Variants in SATL1 observed in about 807,000 individuals in gnomAD.
SATL1 encodes spermidine/spermine N(1)-acetyltransferase-like protein 1.
Under a neutral mutation model 51.8 loss-of-function variants are expected in SATL1, and 47 were observed. That is an observed-to-expected ratio of 0.91 (90% CI 0.72 to 1.16). The LOEUF (loss-of-function observed/expected upper bound fraction) is 1.16. SATL1 is among the 50% of genes most tolerant of loss of function. The probability of loss-of-function intolerance (pLI) is 0.00; values close to 1 mark genes in which losing one functional copy is unlikely to be tolerated. For synonymous variants in SATL1, 176 were observed against 182.4 expected (o/e 0.97, Z 0.28); for missense variants, 520 against 526.4 (o/e 0.99, Z 0.12).
At chrX:85,157,083 C>T (rs1299343438) in intron 2 of SATL1, among the ~76,000 whole-genome samples, 2 of 107,992 alleles carry the variant, frequency 1.9e-5, no homozygotes, top group African/African-American at 3.4e-5. Context: ...TAAAACACTA[C>T]AAAATCATCT....
chrX:85,158,364 T>C (rs1203173745), intron 2 of SATL1, among the ~76,000 whole-genome samples: 1 of 111,998 alleles, frequency 8.9e-6, no homozygotes. Flanking sequence ...TCAAAGTTGT[T>C]ACAATTGTGG....
chrX:85,095,110 G>A, intron 4 of SATL1, 114 bp from the exon 5 acceptor site: 3 of 476,541 alleles, frequency 6.3e-6, no homozygotes, highest in East Asian at 3.7e-5. Flanking sequence ...TTGTATTGGC[G>A]GAAACTGAAG....
chrX:85,116,620 T>C (rs1263161591), intron 2 of SATL1, among the ~76,000 whole-genome samples: 6 of 111,589 alleles, frequency 5.4e-5, no homozygotes, highest in South Asian at 7.5e-4. Flanking sequence ...ATAATGTGTA[T>C]GCTTGAGCCC....
At chrX:85,198,611 A>T (rs1927624898) in intron 2 of SATL1, among the ~76,000 whole-genome samples, 1 of 110,694 alleles carries the variant, frequency 9.0e-6, no homozygotes, top group Admixed American at 9.7e-5. Context: ...TTTTATTTTA[A>T]TTTTTGTGGG....
At chrX:85,103,027 AT>A (rs769181638) in intron 4 of SATL1, among the ~76,000 whole-genome samples, 1 of 111,271 alleles carries the variant, frequency 9.0e-6, no homozygotes, top group African/African-American at 3.3e-5. Context: ...TCAACTTTGT[AT>A]TTCTTACTAT....
At chrX:85,241,730 G>A (rs1336605740) in intron 1 of SATL1, among the ~76,000 whole-genome samples, 1 of 111,624 alleles carries the variant, frequency 9.0e-6, no homozygotes, top group Non-Finnish European at 1.9e-5. Context: ...TTAAGCAGGG[G>A]AGTAAGATAA....
Position 85,107,364 on chromosome X carries a change from C to T in SATL1, c.1605G>A (p.Glu535=), listed in dbSNP as rs368314953. 2 of 1,212,105 alleles carry T rather than the reference C, an allele frequency of 1.7e-6. No homozygotes were observed. Among genetic ancestry groups the T allele is most frequent in the Non-Finnish European group, 2.2e-6 (2 of 895,495 alleles). The change falls in exon 3 of 8, where the codon GAG becomes GAA. Residue 535 remains glutamate (E), a synonymous_variant. Transcript: ENST00000644105. ...SMDYFQIRHA[E]AGDCPEILRL... ...GCAAAATTTCTGGGCAGTCTCCAGCCTCTGCATGTCTTATTTGAAAGTAAT... is the reference window on the plus strand; with the variant it reads ...GCAAAATTTCTGGGCAGTCTCCAGCTTCTGCATGTCTTATTTGAAAGTAAT...
intron 7 of SATL1, chrX:85,092,846 C>A (rs1236951708): frequency 6.1e-6 from 2 of 325,996 alleles, no homozygotes; most frequent in Non-Finnish European, 1.1e-5. Context: ...TTCCAAAATA[C>A]AAGAAGATCT....
intron 1 of SATL1, among the ~76,000 whole-genome samples, chrX:85,227,325 A>G (rs1162710553): frequency 8.9e-6 from 1 of 111,928 alleles, no homozygotes; most frequent in African/African-American, 3.2e-5. Flanking sequence ...AAATTAAAGC[A>G]ATCCAAACAA....
intron 2 of SATL1, among the ~76,000 whole-genome samples, chrX:85,192,347 G>A (rs2147745475): frequency 9.0e-6 from 1 of 111,135 alleles, no homozygotes; most frequent in East Asian, 2.9e-4. Context: ...GTCTCATAAA[G>A]CCTTTCCTGG....
intron 2 of SATL1, among the ~76,000 whole-genome samples, chrX:85,146,105 A>T (rs1926231106): frequency 9.0e-6 from 1 of 110,539 alleles, no homozygotes; most frequent in Non-Finnish European, 1.9e-5. Flanking sequence ...ACTGTGTGTT[A>T]GCCAGGCTGA....
At chrX:85,145,563 C>T (rs1428665027) in intron 2 of SATL1, among the ~76,000 whole-genome samples, 1 of 110,868 alleles carries the variant, frequency 9.0e-6, no homozygotes, top group East Asian at 2.8e-4. Context: ...GAAAAATATA[C>T]TTTGGCCTCC....
intron 2 of SATL1, among the ~76,000 whole-genome samples, chrX:85,151,969 A>T (rs977825887): frequency 9.0e-4 from 99 of 110,321 alleles, no homozygotes; most frequent in African/African-American, 3.1e-3. Context: ...GACAAATGGG[A>T]TCTAATTAAA....
chrX:85,144,962 G>A (rs1926195171), intron 2 of SATL1, among the ~76,000 whole-genome samples: 1 of 110,817 alleles, frequency 9.0e-6, no homozygotes, highest in African/African-American at 3.3e-5. Context: ...ACTTGAGTCT[G>A]GGAGGTAGAT....
rs145910008 is a variant in SATL1, at chrX:85,128,613, T to G, written c.-312-19333A>C. ...TCTTTAGATTGCCTGTTCACTCTGATGGTAGTTTCTTTTGCTGTGCAGAAG... is the reference window on the plus strand; with the variant it reads ...TCTTTAGATTGCCTGTTCACTCTGAGGGTAGTTTCTTTTGCTGTGCAGAAG... On this transcript the variant is annotated intron_variant, in intron 2 of 7. Transcript: ENST00000644105. Among the ~76,000 whole-genome samples the G allele has an allele frequency of 5.4e-3, 603 of 111,953 alleles. 3 individuals are homozygous for G. Among genetic ancestry groups the G allele is most frequent in the African/African-American group, 0.018 (566 of 30,815 alleles).
intron 2 of SATL1, among the ~76,000 whole-genome samples, chrX:85,167,213 G>A (rs1448374528): frequency 1.9e-5 from 2 of 102,868 alleles, no homozygotes; most frequent in East Asian, 3.1e-4. Flanking sequence ...AAAAGCATAC[G>A]GATGATTGAT....
rs143065732 is a variant in SATL1, at chrX:85,193,790, C to A, written c.-313+30415G>T. ...TCTGGTATTTGGCTTTCTGTTCCTGCATTAGTTTGCTAAGAATAATGGCCT... is the reference window on the plus strand; with the variant it reads ...TCTGGTATTTGGCTTTCTGTTCCTGAATTAGTTTGCTAAGAATAATGGCCT... On this transcript the variant is annotated intron_variant, in intron 2 of 7. Coordinates refer to ENST00000644105, the MANE Select transcript of SATL1 (RefSeq NM_001367857.2). 3.6e-5 allele frequency among the ~76,000 whole-genome samples: 4 copies of A among 112,056 alleles called. No individual in the cohort carries two copies. In the East Asian group the frequency reaches 1.1e-3, roughly 32 times the overall value.
Position 85,220,677 on chromosome X carries a change from A to C in SATL1, c.-313+3528T>G, listed in dbSNP as rs951959159. 2.1e-4 allele frequency among the ~76,000 whole-genome samples: 18 copies of C among 85,649 alleles called. No individual in the cohort carries two copies. The East Asian group carries it at 3.9e-3, about 18-fold the overall frequency. The allele number at this position is 85,649 out of a possible 115,157, so 74.4% of individuals were successfully genotyped here. Reference sequence around the variant, plus strand: ...AAAAAAAAAAAAAAAAAAAAAAAAAAAAAAAAAAAACTCTCCTGGATCTAA... The same window carrying C: ...AAAAAAAAAAAAAAAAAAAAAAAAACAAAAAAAAAACTCTCCTGGATCTAA... On this transcript the variant is annotated intron_variant, in intron 2 of 7. Transcript: ENST00000644105.
intron 2 of SATL1, among the ~76,000 whole-genome samples, chrX:85,193,292 C>T (rs1327887072): frequency 9.0e-6 from 1 of 111,534 alleles, no homozygotes; most frequent in Non-Finnish European, 1.9e-5. Context: ...TCACAAGATT[C>T]TATGTGAATT....
Sources: gnomAD v4.1 joint callset for allele counts (sites outside exome capture counted in the v4.1 genomes callset) on GRCh38, gnomAD v4.1.1 for gene constraint, MANE v1.5 for transcripts, NCBI Gene and HGNC (gene_info 2026-07-23, HGNC 2026-07-21) for gene names.